Variants in ZC3H12C observed in about 807,000 individuals in gnomAD.
ZC3H12C encodes the protein zinc finger CCCH-type containing 12C.
ZC3H12C carries 20 observed loss-of-function variants against 76.3 expected under a neutral mutation model. The ratio of observed to expected loss-of-function variants is 0.26; its 90% CI spans 0.18 to 0.38. The LOEUF (loss-of-function observed/expected upper bound fraction) is 0.38, where lower values mean the gene tolerates loss of function less well. ZC3H12C is among the 10% of genes least tolerant of loss of function. ZC3H12C has a pLI of 1.00. For synonymous variants in ZC3H12C, 352 were observed against 399.6 expected, an observed-to-expected ratio of 0.88 and a Z score of 1.42; for missense variants, 874 against 1,086.5, an observed-to-expected ratio of 0.80 and a Z score of 2.75.
intron 4 of ZC3H12C, among the ~76,000 whole-genome samples, chr11:110,160,310 C>A (rs1166984684): frequency 6.6e-6 from 1 of 151,964 alleles, no homozygotes; most frequent in Non-Finnish European, 1.5e-5. Context: ...TAGGCTATGC[C>A]AAATTTATCA....
At chr11:110,162,674 A>C (rs1444536828) in intron 4 of ZC3H12C, among the ~76,000 whole-genome samples, 4 of 152,234 alleles carry the variant, frequency 2.6e-5, no homozygotes, top group Non-Finnish European at 4.4e-5. Context: ...GTTAGATCTA[A>C]TTGAATCTTG....
At chr11:110,154,427 A>G (rs1372589967) in intron 3 of ZC3H12C, among the ~76,000 whole-genome samples, 4 of 152,188 alleles carry the variant, frequency 2.6e-5, no homozygotes, top group African/African-American at 4.8e-5. Flanking sequence ...TTAAATTAAC[A>G]TAAGAATGAA....
chr11:110,132,768 C>G (rs1378234082), intron 1 of ZC3H12C, among the ~76,000 whole-genome samples: 1 of 151,916 alleles, frequency 6.6e-6, no homozygotes, highest in Non-Finnish European at 1.5e-5. Context: ...GCAAAATTAC[C>G]CTTATCAGTT....
intron 1 of ZC3H12C, among the ~76,000 whole-genome samples, chr11:110,129,383 ACCATGTAGAT>A (rs1353491136): frequency 6.6e-6 from 1 of 152,158 alleles, no homozygotes; most frequent in Non-Finnish European, 1.5e-5. Flanking sequence ...AAACATCTTA[ACCATGTAGAT>A]CTTCTTATTT....
At chr11:110,095,935 T>A (rs894839026) in intron 1 of ZC3H12C, among the ~76,000 whole-genome samples, 4 of 152,176 alleles carry the variant, frequency 2.6e-5, no homozygotes, top group Non-Finnish European at 2.9e-5. Context: ...ATAATGAAAA[T>A]TAATTCAATC....
Position 110,171,319 on chromosome 11 carries a change from T to TAC in ZC3H12C, c.*5583_*5584dup, listed in dbSNP as rs1862674918. 6.6e-6 allele frequency: 1 copy of TAC among 152,238 alleles called. No individual in the cohort carries two copies. The highest frequency in any genetic ancestry group is 6.5e-5 in the Admixed American group (1 of 15,280). 9.4% of individuals were successfully genotyped at this position (152,238 alleles called of 1,614,324 possible). On this transcript the variant is annotated 3_prime_UTR_variant, in exon 6 of 6. Transcript: ENST00000278590. ...GAGACAAAGCATTTCACTGCACGTG[T>TAC]ACCAGGTTATTGATTTTATCTTTTC... is the stretch of plus-strand genomic sequence containing the variant.
rs538076099 is a variant in ZC3H12C at position 110,102,838 on chromosome 11, A to C, written c.21+9406A>C. Among the ~76,000 whole-genome samples the C allele has an allele frequency of 5.9e-5, 9 of 152,350 alleles. No homozygotes were observed. The East Asian group carries it at 1.7e-3, about 29-fold the overall frequency. The stretch of plus-strand genomic sequence containing the variant: ...GTCAGCAGCCATCAACATTGAGGCA[A>C]GACCTTTCACCAGCAAAAGGAATAT... On this transcript the variant is annotated intron_variant, in intron 1 of 5. Coordinates refer to ENST00000278590, the MANE Select transcript of ZC3H12C (RefSeq NM_033390.2).
intron 2 of ZC3H12C, among the ~76,000 whole-genome samples, chr11:110,137,736 A>G (rs1861996684): frequency 6.6e-6 from 1 of 152,224 alleles, no homozygotes; most frequent in Non-Finnish European, 1.5e-5. Context: ...ATAATTTGAT[A>G]TGATAATATT....
At chr11:110,123,039 A>ATG (rs1406376886) in intron 1 of ZC3H12C, among the ~76,000 whole-genome samples, 2 of 152,220 alleles carry the variant, frequency 1.3e-5, no homozygotes, top group Non-Finnish European at 2.9e-5. Context: ...ACAATTAAAA[A>ATG]TGTATTAATT....
Position 110,167,635 on chromosome 11 carries a change from G to A in ZC3H12C, c.*1898G>A, listed in dbSNP as rs1479992145. ...ACTTGTGTGACACTGTGTGTTGCAC[G>A]AAGTAGGATTTGGGTATACAGTAAA... On this transcript the variant is annotated 3_prime_UTR_variant, in exon 6 of 6. Coordinates refer to ENST00000278590, the MANE Select transcript of ZC3H12C (RefSeq NM_033390.2). 2 of 152,150 alleles carry A rather than the reference G, an allele frequency of 1.3e-5. No homozygotes were observed. Among genetic ancestry groups the A allele is most frequent in the Non-Finnish European group, 2.9e-5 (2 of 68,022 alleles). The allele number at this position is 152,150 out of a possible 1,614,324, so 9.4% of individuals were successfully genotyped here.
chr11:110,165,866 A>T lies in ZC3H12C; in HGVS notation c.*129A>T. 1.1e-6 allele frequency: 1 copy of T among 883,414 alleles called. No homozygotes were observed. The highest frequency in any genetic ancestry group is 1.7e-6 in the Non-Finnish European group (1 of 593,296). The allele number at this position is 883,414 out of a possible 1,614,324, so 54.7% of individuals were successfully genotyped here. ...TATATAGTATCCATTTATGTGAAAT[A>T]CTGTATCATGGAATCTGTATGTATA... On this transcript the variant is annotated 3_prime_UTR_variant, in exon 6 of 6. Transcript: ENST00000278590.
intron 1 of ZC3H12C, among the ~76,000 whole-genome samples, chr11:110,119,573 A>T (rs1393580518): frequency 6.6e-6 from 1 of 151,810 alleles, no homozygotes; most frequent in South Asian, 2.1e-4. Context: ...CACCATGCAC[A>T]CTCTCATCTC....
intron 1 of ZC3H12C, among the ~76,000 whole-genome samples, chr11:110,117,231 C>A (rs1244254010): frequency 6.6e-6 from 1 of 152,126 alleles, no homozygotes; most frequent in African/African-American, 2.4e-5. Context: ...TGTAAAAATT[C>A]TTAGTGAAAT....
At chr11:110,138,318 C>T (rs1055848491) in intron 2 of ZC3H12C, among the ~76,000 whole-genome samples, 10 of 151,998 alleles carry the variant, frequency 6.6e-5, no homozygotes, top group African/African-American at 2.2e-4. Context: ...TCTGATGATG[C>T]CTACCAGAGA....
In ZC3H12C at chr11:110,165,162, G is replaced by T; in HGVS notation, c.2077G>T (p.Glu693Ter). The change falls in exon 6 of 6, where the codon GAA becomes TAA. Residue 693 changes from glutamate (E) to a stop codon, truncating the protein, a stop_gained. Transcript: ENST00000278590. LOFTEE classifies it high-confidence loss of function. ...PLTRGQSYSHEEPKFHHKPPL... is the reference protein window; with the variant it reads ...PLTRGQSYSH Reference sequence around the variant, plus strand: ...AACCAGAGGGCAAAGTTACAGTCACGAAGAACCAAAGTTCCATCACAAGCC... The same window carrying T: ...AACCAGAGGGCAAAGTTACAGTCACTAAGAACCAAAGTTCCATCACAAGCC... 1 of 1,613,770 alleles carries T rather than the reference G, an allele frequency of 6.2e-7. No individual in the cohort carries two copies. Among genetic ancestry groups the T allele is most frequent in the Non-Finnish European group, 8.5e-7 (1 of 1,179,884 alleles).
intron 1 of ZC3H12C, among the ~76,000 whole-genome samples, chr11:110,113,330 C>T (rs1861468974): frequency 6.6e-6 from 1 of 151,956 alleles, no homozygotes; most frequent in African/African-American, 2.4e-5. Flanking sequence ...CAGTATTCAC[C>T]CATAGAAATG....
intron 2 of ZC3H12C, among the ~76,000 whole-genome samples, chr11:110,150,948 T>C (rs1862261587): frequency 6.6e-6 from 1 of 152,194 alleles, no homozygotes. Flanking sequence ...CAATTAGGGA[T>C]GTTTTCGGCT....
chr11:110,138,554 A>G (rs1862012565), intron 2 of ZC3H12C, among the ~76,000 whole-genome samples: 1 of 151,552 alleles, frequency 6.6e-6, no homozygotes, highest in South Asian at 2.1e-4. Context: ...GATAGTTTAC[A>G]TTATTCTTTT....
At chr11:110,101,450 C>G (rs1861212748) in intron 1 of ZC3H12C, among the ~76,000 whole-genome samples, 2 of 152,090 alleles carry the variant, frequency 1.3e-5, no homozygotes, top group Admixed American at 6.5e-5. Flanking sequence ...GGCTGAAGGA[C>G]AAGCTGACTC....
Sources: allele counts gnomAD v4.1 joint callset (sites outside exome capture counted in the v4.1 genomes callset), GRCh38; gene constraint gnomAD v4.1.1; transcripts MANE v1.5; gene names NCBI Gene and HGNC (gene_info 2026-07-23, HGNC 2026-07-21).